The following RBBP8 variants were observed in gnomAD, a reference collection of about 807,000 sequenced individuals.
RBBP8 encodes the protein DNA endonuclease RBBP8.
A neutral mutation model predicts 108.3 loss-of-function variants in RBBP8; 88 were observed. The observed-to-expected ratio is 0.81, with a 90% CI of 0.68 to 0.97. The LOEUF is 0.97. Among genes scored for constraint, RBBP8 ranks in the 50% least tolerant of loss-of-function variants. RBBP8 has a pLI of 0.00. For synonymous variants in RBBP8, 332 were observed against 348.2 expected (o/e 0.95, Z 0.52); for missense variants, 1,023 against 1,049.0 (o/e 0.98, Z 0.34).
chr18:22,920,036 G>A (rs1909526503), intron 3 of RBBP8, among the ~76,000 whole-genome samples: 2 of 152,002 alleles, frequency 1.3e-5, no homozygotes, highest in Non-Finnish European at 2.9e-5. Flanking sequence ...TTTTTAAAAT[G>A]TTCTGGTGGG....
chr18:22,987,217 G>A (rs994778067), intron 8 of RBBP8, among the ~76,000 whole-genome samples: 1 of 152,068 alleles, frequency 6.6e-6, no homozygotes. Flanking sequence ...GAGAGGAGGA[G>A]AGAGCAAGAG....
intron 8 of RBBP8, among the ~76,000 whole-genome samples, chr18:22,986,271 G>A (rs1465892607): frequency 2.0e-5 from 3 of 152,188 alleles, no homozygotes; most frequent in Non-Finnish European, 1.5e-5. Flanking sequence ...GGACGAAGAG[G>A]TGATCAACTG....
chr18:22,924,127 G>GTTTTTTTTTTTTTTTTTT (rs33978854), intron 3 of RBBP8, among the ~76,000 whole-genome samples: 8 of 108,232 alleles, frequency 7.4e-5, no homozygotes, highest in Non-Finnish European at 1.2e-4. Flanking sequence ...TTTGTTTTTG[G>GTTTTTTTTTTTTTTTTTT]TTTTTTTTTT....
intron 6 of RBBP8, among the ~76,000 whole-genome samples, chr18:22,979,243 CA>C (rs1261333565): frequency 6.6e-6 from 1 of 152,088 alleles, no homozygotes; most frequent in African/African-American, 2.4e-5. Flanking sequence ...CCAGCCTGGG[CA>C]ACAGAAGGAG....
At chr18:22,974,470 T>G (rs1380173561) in intron 5 of RBBP8, among the ~76,000 whole-genome samples, 1 of 152,176 alleles carries the variant, frequency 6.6e-6, no homozygotes, top group African/African-American at 2.4e-5. Context: ...TTTTTTTGTT[T>G]TGTTTTGTTT....
intron 4 of RBBP8, among the ~76,000 whole-genome samples, chr18:22,965,077 A>T (rs546556188): frequency 1.3e-5 from 2 of 152,002 alleles, no homozygotes; most frequent in South Asian, 4.1e-4. Flanking sequence ...GTTTCCAAGA[A>T]CCTATCAATG....
chr18:22,917,628 GA>G, intron 3 of RBBP8, among the ~76,000 whole-genome samples: 1 of 152,246 alleles, frequency 6.6e-6, no homozygotes, highest in East Asian at 1.9e-4. Flanking sequence ...TTCAGTAAGA[GA>G]AGTCAACTTT....
At position 23,019,299 on chromosome 18, in the gene RBBP8, G is replaced by A. The variant is rs114517393; in HGVS notation, c.2454+2375G>A. Reference sequence around the variant, plus strand: ...CATTCATTCTCAATAATCATTTCCCGTGCTTTCTGTTATCCAATCTCTGAA... The same window carrying A: ...CATTCATTCTCAATAATCATTTCCCATGCTTTCTGTTATCCAATCTCTGAA... On this transcript the variant is annotated intron_variant, in intron 17 of 18. Coordinates refer to ENST00000327155, the MANE Select transcript of RBBP8 (RefSeq NM_002894.3). 2.7e-3 allele frequency among the ~76,000 whole-genome samples: 416 copies of A among 152,216 alleles called. 1 individual carries two copies. The highest frequency in any genetic ancestry group is 9.7e-3 in the African/African-American group (401 of 41,528).
chr18:22,940,178 A>G (rs1910952846), intron 2 of RBBP8, among the ~76,000 whole-genome samples: 1 of 151,994 alleles, frequency 6.6e-6, no homozygotes, highest in African/African-American at 2.4e-5. Flanking sequence ...TTTCTGCAAA[A>G]AATGTTGGGA....
Position 22,936,777 on chromosome 18 carries a change from C to T in RBBP8, c.-75C>T. The T allele has an allele frequency of 6.4e-7, 1 of 1,574,748 alleles. No homozygotes were observed. Among genetic ancestry groups the T allele is most frequent in the Non-Finnish European group, 8.7e-7 (1 of 1,146,470 alleles). ...AGGTATTTGACCTGTCCAAAGACGA[C>T]TTGATACCTCTATAATGTAACAGAA... On this transcript the variant is annotated 5_prime_UTR_variant, in exon 2 of 19. Transcript: ENST00000327155.
intron 3 of RBBP8, among the ~76,000 whole-genome samples, chr18:22,948,674 A>G (rs2086582145): frequency 6.6e-6 from 1 of 152,118 alleles, no homozygotes; most frequent in South Asian, 2.1e-4. Context: ...TGACACAATC[A>G]TTTTGACATC....
rs1236991517 is a variant in RBBP8, at chr18:22,957,296, T to TC, written c.248+7583_248+7584insC. Among the ~76,000 whole-genome samples, 14 of 146,498 alleles carry TC rather than the reference T, an allele frequency of 9.6e-5. 1 individual carries two copies. The South Asian group carries it at 1.1e-3, about 11-fold the overall frequency. ...CTTTGTTGTAATTACTTTTTCTTTTTTTTTTTTTTTTTTTTGCCTGTCTTT... is the reference window on the plus strand; with the variant it reads ...CTTTGTTGTAATTACTTTTTCTTTTTCTTTTTTTTTTTTTTTGCCTGTCTTT... On this transcript the variant is annotated intron_variant, in intron 4 of 18. Transcript: ENST00000327155.
intron 3 of RBBP8, 33 bp from the exon 4 acceptor site, chr18:22,949,585 A>G: frequency 6.9e-7 from 1 of 1,455,694 alleles, no homozygotes; most frequent in Non-Finnish European, 9.6e-7. Flanking sequence ...GAGTATTTTT[A>G]TCTGAAAAAC....
In RBBP8 at chr18:22,964,630, TTTTTATTTTATTTTA is replaced by T. The variant is rs546091335; in HGVS notation, c.249-4161_249-4147del. Among the ~76,000 whole-genome samples the T allele has an allele frequency of 6.1e-3, 925 of 150,748 alleles. 10 individuals are homozygous for T. The highest frequency in any genetic ancestry group is 0.021 in the African/African-American group (886 of 41,396). On this transcript the variant is annotated intron_variant, in intron 4 of 18. Coordinates refer to ENST00000327155, the MANE Select transcript of RBBP8 (RefSeq NM_002894.3). The stretch of plus-strand genomic sequence containing the variant: ...CTTTCTTAATATTTTTAATTTTTAA[TTTTTATTTTATTTTA>T]TTTTATTTTATTTTGGTTTTTGTTT...
intron 9 of RBBP8, among the ~76,000 whole-genome samples, chr18:22,989,610 C>T (rs999365876): frequency 6.6e-6 from 1 of 151,770 alleles, no homozygotes; most frequent in Admixed American, 6.6e-5. Context: ...CCTCCCTGCC[C>T]TCATCTAAGA....
At chr18:22,988,096 A>G (rs1229393492) in intron 8 of RBBP8, among the ~76,000 whole-genome samples, 1 of 152,174 alleles carries the variant, frequency 6.6e-6, no homozygotes, top group Non-Finnish European at 1.5e-5. Flanking sequence ...TCTGTTTTAC[A>G]TATTCTTCTG....
chr18:22,987,669 C>CT (rs1273031259), intron 8 of RBBP8, among the ~76,000 whole-genome samples: 1 of 152,136 alleles, frequency 6.6e-6, no homozygotes, highest in Non-Finnish European at 1.5e-5. Flanking sequence ...CAAGGCTGGT[C>CT]TTGCTCTCCT....
At chr18:22,982,565 C>T (rs1204856081) in intron 7 of RBBP8, among the ~76,000 whole-genome samples, 172 bp downstream of exon 7, 3 of 151,864 alleles carry the variant, frequency 2.0e-5, no homozygotes, top group South Asian at 4.2e-4. Flanking sequence ...GTTTTCTGCC[C>T]GTGTTATGTA....
intron 11 of RBBP8, 21 bp downstream of exon 11, chr18:22,993,660 G>A: frequency 6.2e-7 from 1 of 1,614,196 alleles, no homozygotes; most frequent in Non-Finnish European, 8.5e-7. Flanking sequence ...AATGTTCAAG[G>A]ATTTTGATTA....
Sources: gnomAD v4.1 joint callset for allele counts (sites outside exome capture counted in the v4.1 genomes callset) on GRCh38, gnomAD v4.1.1 for gene constraint, MANE v1.5 for transcripts, NCBI Gene and HGNC (gene_info 2026-07-23, HGNC 2026-07-21) for gene names.